ZNF589: variants seen among roughly 807,000 people sequenced by gnomAD.
The protein encoded by ZNF589 is KRAB-zinc finger protein SZF1-1.
A neutral mutation model predicts 13.6 loss-of-function variants in ZNF589; 17 were observed. The ratio of observed to expected loss-of-function variants is 1.25; its 90% CI spans 0.86 to 1.88. The LOEUF is 1.88. Among genes scored for constraint, ZNF589 ranks in the 40% most tolerant of loss-of-function variants. The pLI, the probability that ZNF589 is intolerant of heterozygous loss-of-function variation, is 0.00. For synonymous variants in ZNF589, 148 were observed against 161.6 expected (o/e 0.92, Z 0.64); for missense variants, 407 against 434.0 (o/e 0.94, Z 0.55).
chr3:48,257,216 G>T (rs2033913514), intron 2 of ZNF589, among the ~76,000 whole-genome samples: 1 of 151,936 alleles, frequency 6.6e-6, no homozygotes, highest in Non-Finnish European at 1.5e-5. Context: ...GGAAGAGATG[G>T]GGGTCTTCTA....
In ZNF589 at chr3:48,269,617, C is replaced by T. The variant is rs1479574480; in HGVS notation, c.*831C>T. 1.2e-5 allele frequency: 4 copies of T among 342,132 alleles called. No individual in the cohort carries two copies. Among genetic ancestry groups the T allele is most frequent in the Non-Finnish European group, 2.3e-5 (4 of 174,288 alleles). The allele number at this position is 342,132 out of a possible 1,614,324, so 21.2% of individuals were successfully genotyped here. A position where few individuals can be genotyped will look rare whatever the true frequency, so the allele number is the denominator to read the frequency against. On this transcript the variant is annotated 3_prime_UTR_variant, in exon 4 of 4. Coordinates refer to ENST00000354698, the MANE Select transcript of ZNF589 (RefSeq NM_016089.3). ...ACTCGGGGGAGAAGCCTTATGCATG[C>T]GTGGAGTGTGGGCAAAGCTTTAGGA... is the stretch of plus-strand genomic sequence containing the variant.
chr3:48,259,155 G>A (rs891907476), intron 2 of ZNF589, among the ~76,000 whole-genome samples: 12 of 152,214 alleles, frequency 7.9e-5, no homozygotes, highest in Non-Finnish European at 1.5e-4. Context: ...CTGGCCTGCT[G>A]TCTAGACTTT....
At chr3:48,256,462 G>T in intron 2 of ZNF589, 1 of 575,362 alleles carries the variant, frequency 1.7e-6, no homozygotes, top group South Asian at 1.7e-5. Context: ...AGATGGGCAT[G>T]AGGGTGCGGG....
At chr3:48,253,654 C>G (rs1328762571) in intron 2 of ZNF589, among the ~76,000 whole-genome samples, 1 of 152,092 alleles carries the variant, frequency 6.6e-6, no homozygotes, top group Non-Finnish European at 1.5e-5. Flanking sequence ...CGGCTGCCAC[C>G]ACGCTAGGCT....
Position 48,241,122 on chromosome 3 carries a change from C to T in ZNF589, c.-50C>T, listed in dbSNP as rs1357559920. 6.2e-7 allele frequency: 1 copy of T among 1,611,842 alleles called. No homozygotes were observed. Among genetic ancestry groups the T allele is most frequent in the Admixed American group, 1.7e-5 (1 of 59,922 alleles). On this transcript the variant is annotated 5_prime_UTR_variant, in exon 1 of 4. Transcript: ENST00000354698. Reference sequence around the variant, plus strand: ...CCGCGGTGCGCATTCTAATCCGTTTCACACACGGTGCTGCTACCTCGTTTG... The same window carrying T: ...CCGCGGTGCGCATTCTAATCCGTTTTACACACGGTGCTGCTACCTCGTTTG...
Position 48,269,368 on chromosome 3 carries a change from C to A in ZNF589, c.*582C>A. ...CCAAGGAAAAACCTTATGTGTGCAG[C>A]CAGTGTGGGCGAGGCTTTTGTGATA... On this transcript the variant is annotated 3_prime_UTR_variant, in exon 4 of 4. Coordinates refer to ENST00000354698, the MANE Select transcript of ZNF589 (RefSeq NM_016089.3). 1.3e-6 allele frequency: 1 copy of A among 756,664 alleles called. No individual in the cohort carries two copies. Among genetic ancestry groups the A allele is most frequent in the South Asian group, 1.8e-5 (1 of 54,418 alleles). The allele number at this position is 756,664 out of a possible 1,614,324, so 46.9% of individuals were successfully genotyped here. A position where few individuals can be genotyped will look rare whatever the true frequency, so the allele number is the denominator to read the frequency against.
At chr3:48,243,769 G>C (rs1312101915) in intron 1 of ZNF589, among the ~76,000 whole-genome samples, 1 of 149,984 alleles carries the variant, frequency 6.7e-6, no homozygotes, top group Non-Finnish European at 1.5e-5. Flanking sequence ...TCTAGCCTGG[G>C]CACCAAGAGT....
chr3:48,264,421 TA>T (rs1269559578), intron 3 of ZNF589, among the ~76,000 whole-genome samples: 1 of 151,856 alleles, frequency 6.6e-6, no homozygotes, highest in African/African-American at 2.4e-5. Context: ...TAATCCCAGC[TA>T]CTCAGGAGTC....
chr3:48,247,374 AGAT>A (rs1375800285), intron 1 of ZNF589, among the ~76,000 whole-genome samples: 1 of 152,092 alleles, frequency 6.6e-6, no homozygotes, highest in African/African-American at 2.4e-5. Context: ...TAGGGTAGAA[AGAT>A]GATGAGTGCT....
intron 2 of ZNF589, among the ~76,000 whole-genome samples, chr3:48,258,568 A>C (rs2033934551): frequency 6.6e-6 from 1 of 152,210 alleles, no homozygotes. Flanking sequence ...AGAACCAAAA[A>C]TTATTTACTT....
At position 48,268,348 on chromosome 3, in the gene ZNF589, G is replaced by C. The variant is rs755852556; in HGVS notation, c.657G>C (p.Glu219Asp). Reference sequence around the variant, plus strand: ...GGTTTGGAGCAGTCACGTTTGGGGAGTGTGCACTAGCTTTTAACCAGAAGT... The same window carrying C: ...GGTTTGGAGCAGTCACGTTTGGGGACTGTGCACTAGCTTTTAACCAGAAGT... ...TPGFGAVTFG[E>D]CALAFNQKSN... Residue 219 changes from glutamate (E) to aspartate (D), a missense_variant, in exon 4 of 4, where the codon GAG becomes GAC. Transcript: ENST00000354698. 2.5e-5 allele frequency: 40 copies of C among 1,614,212 alleles called. No individual in the cohort carries two copies. The African/African-American group carries it at 4.3e-4, about 17-fold the overall frequency.
In ZNF589 at chr3:48,241,127, A is replaced by G. The variant is rs1213609078; in HGVS notation, c.-45A>G. The stretch of plus-strand genomic sequence containing the variant: ...GTGCGCATTCTAATCCGTTTCACAC[A>G]CGGTGCTGCTACCTCGTTTGCTTCG... On this transcript the variant is annotated 5_prime_UTR_variant, in exon 1 of 4. Coordinates refer to ENST00000354698, the MANE Select transcript of ZNF589 (RefSeq NM_016089.3). 1.6e-5 allele frequency: 25 copies of G among 1,612,314 alleles called. No homozygotes were observed. Among genetic ancestry groups the G allele is most frequent in the Non-Finnish European group, 2.0e-5 (24 of 1,179,184 alleles).
At chr3:48,263,913 C>G (rs555917043) in intron 3 of ZNF589, among the ~76,000 whole-genome samples, 5 of 152,226 alleles carry the variant, frequency 3.3e-5, no homozygotes, top group African/African-American at 1.2e-4. Flanking sequence ...CCCTCTAGTC[C>G]TTTTTTAATT....
intron 3 of ZNF589, among the ~76,000 whole-genome samples, chr3:48,265,361 CT>C (rs1470983752): frequency 7.4e-6 from 1 of 134,724 alleles, no homozygotes; most frequent in African/African-American, 2.8e-5. Flanking sequence ...TCTCGGCTCA[CT>C]GCAACCTCCA....
intron 2 of ZNF589, among the ~76,000 whole-genome samples, chr3:48,256,028 C>CA (rs2033895341): frequency 6.8e-6 from 1 of 146,404 alleles, no homozygotes; most frequent in African/African-American, 2.5e-5. Context: ...ATTTTCTTTT[C>CA]TTTTTTTTTT....
At chr3:48,256,293 G>T in intron 2 of ZNF589, 1 of 445,782 alleles carries the variant, frequency 2.2e-6, no homozygotes. Context: ...TTGTGAGTAC[G>T]CCTCCTACTC....
intron 2 of ZNF589, chr3:48,256,815 G>C: frequency 6.6e-7 from 1 of 1,504,578 alleles, no homozygotes; most frequent in Non-Finnish European, 9.1e-7. Flanking sequence ...TTTCCTTCTT[G>C]GATTTCCACC....
At chr3:48,242,736 C>T (rs1309294331) in intron 1 of ZNF589, among the ~76,000 whole-genome samples, 4 of 152,148 alleles carry the variant, frequency 2.6e-5, no homozygotes, top group Admixed American at 1.3e-4. Flanking sequence ...ATGAGCATTG[C>T]CGTGTTCCAA....
At position 48,270,473 on chromosome 3, in the gene ZNF589, C is replaced by T. The variant is rs1018540257; in HGVS notation, c.*1687C>T. The T allele has an allele frequency of 5.6e-6, 2 of 356,316 alleles. No homozygotes were observed. Among genetic ancestry groups the T allele is most frequent in the African/African-American group, 4.3e-5 (2 of 46,716 alleles). The allele number at this position is 356,316 out of a possible 1,614,324, so 22.1% of individuals were successfully genotyped here. A position where few individuals can be genotyped will look rare whatever the true frequency, so the allele number is the denominator to read the frequency against. ...TAGCCATGCTCGGGTGGCTAAATTA[C>T]ATCCAGGAATGGTGCCAGGGCCTTT... On this transcript the variant is annotated 3_prime_UTR_variant, in exon 4 of 4. Coordinates refer to ENST00000354698, the MANE Select transcript of ZNF589 (RefSeq NM_016089.3).
Sources: gnomAD v4.1 joint callset for allele counts (sites outside exome capture counted in the v4.1 genomes callset) on GRCh38, gnomAD v4.1.1 for gene constraint, MANE v1.5 for transcripts, NCBI Gene and HGNC (gene_info 2026-07-23, HGNC 2026-07-21) for gene names.